The following FGFR2 variants were observed in gnomAD, a reference collection of about 807,000 sequenced individuals.
FGFR2 encodes fibroblast growth factor receptor 2.
FGFR2 carries 19 observed loss-of-function variants against 95.9 expected under a neutral mutation model. That is an observed-to-expected ratio of 0.20 (90% CI 0.14 to 0.29). FGFR2 has a LOEUF of 0.29. FGFR2 is among the 10% of genes least tolerant of loss of function. The probability of loss-of-function intolerance (pLI) is 1.00; values close to 1 mark genes in which losing one functional copy is unlikely to be tolerated. For missense variants in FGFR2, 707 were observed against 1,056.9 expected, an observed-to-expected ratio of 0.67 and a Z score of 4.59; for synonymous variants, 392 against 393.3, an observed-to-expected ratio of 1.00 and a Z score of 0.04.
chr10:121,538,794 A>T, intron 5 of FGFR2, 79 bp from the exon 6 acceptor site: 1 of 1,595,030 alleles, frequency 6.3e-7, no homozygotes, highest in South Asian at 1.1e-5. Flanking sequence ...TGATTTAAAA[A>T]GAAGCTGAAG....
intron 6 of FGFR2, among the ~76,000 whole-genome samples, chr10:121,524,578 C>T (rs190447299): frequency 2.6e-5 from 4 of 152,346 alleles, no homozygotes; most frequent in African/African-American, 4.8e-5. Flanking sequence ...TGCGCTCCTC[C>T]TCTCGAACCC....
chr10:121,590,143 A>G (rs941501103), intron 2 of FGFR2, among the ~76,000 whole-genome samples: 7 of 152,282 alleles, frequency 4.6e-5, no homozygotes, highest in Middle Eastern at 3.4e-3. Flanking sequence ...AAAAATTGCT[A>G]CACAAACTAC....
At chr10:121,565,126 A>C (rs1242483158) in intron 3 of FGFR2, among the ~76,000 whole-genome samples, 1 of 146,786 alleles carries the variant, frequency 6.8e-6, no homozygotes, top group Non-Finnish European at 1.5e-5. Flanking sequence ...AGAAATCTTG[A>C]GTATCCAAAT....
chr10:121,563,608 C>A (rs1418328352), intron 4 of FGFR2, among the ~76,000 whole-genome samples: 1 of 152,172 alleles, frequency 6.6e-6, no homozygotes, highest in Non-Finnish European at 1.5e-5. Flanking sequence ...TTGCAAGCAA[C>A]CACTCTTCTG....
At chr10:121,520,401 G>T (rs778415368) in intron 6 of FGFR2, among the ~76,000 whole-genome samples, 3 of 152,146 alleles carry the variant, frequency 2.0e-5, no homozygotes, top group Non-Finnish European at 4.4e-5. Flanking sequence ...ATTGAGAAAA[G>T]AACTTATTAC....
At chr10:121,511,980 GAA>G (rs1405801365) in intron 9 of FGFR2, among the ~76,000 whole-genome samples, 7 of 152,196 alleles carry the variant, frequency 4.6e-5, no homozygotes, top group Non-Finnish European at 8.8e-5. Context: ...TTCTTGTCCT[GAA>G]AAGAGAACAA....
chr10:121,588,460 A>T (rs1378372668), intron 2 of FGFR2, among the ~76,000 whole-genome samples: 1 of 152,146 alleles, frequency 6.6e-6, no homozygotes, highest in African/African-American at 2.4e-5. Flanking sequence ...TACACTAAGA[A>T]GGCAAGTCAG....
At chr10:121,578,566 C>T (rs1294719875) in intron 2 of FGFR2, among the ~76,000 whole-genome samples, 1 of 152,232 alleles carries the variant, frequency 6.6e-6, no homozygotes, top group South Asian at 2.1e-4. Flanking sequence ...CTTTACTGTG[C>T]GTAAAACCAC....
intron 4 of FGFR2, among the ~76,000 whole-genome samples, chr10:121,556,218 G>T (rs149979468): frequency 6.6e-6 from 1 of 152,120 alleles, no homozygotes; most frequent in African/African-American, 2.4e-5. Flanking sequence ...CCGCCAGTTC[G>T]AACATACTTT....
chr10:121,593,070 C>A (rs937692411), intron 2 of FGFR2, among the ~76,000 whole-genome samples: 2 of 152,150 alleles, frequency 1.3e-5, no homozygotes, highest in African/African-American at 4.8e-5. Context: ...CCGGCGCATG[C>A]CCTGTGATAC....
chr10:121,493,974 T>C (rs1339299003), intron 13 of FGFR2, among the ~76,000 whole-genome samples: 1 of 151,714 alleles, frequency 6.6e-6, no homozygotes, highest in Non-Finnish European at 1.5e-5. Context: ...CCATTCATTA[T>C]CCCAAGAGCA....
chr10:121,518,785 G>C lies in FGFR2; in HGVS notation c.939+1194C>G. The C allele has an allele frequency of 6.2e-7, 1 of 1,614,152 alleles. No homozygotes were observed. The highest frequency in any genetic ancestry group is 8.5e-7 in the Non-Finnish European group (1 of 1,180,014). On this transcript the variant is annotated intron_variant, in intron 7 of 17. Transcript: ENST00000358487. The surrounding 1 kb of genome is among the most constrained non-coding windows in gnomAD (Gnocchi z 4.0). ...CCCCAGCATCCGCCTCGGTCACATT[G>C]AACAGAGCCAGCACTTCTGCATTGG...
At chr10:121,572,158 GAAAAA>G (rs71022844) in intron 2 of FGFR2, among the ~76,000 whole-genome samples, 6 of 105,848 alleles carry the variant, frequency 5.7e-5, no homozygotes, top group East Asian at 3.0e-4. Context: ...CACAAAAAAT[GAAAAA>G]AAAAAAAAAA....
intron 8 of FGFR2, 47 bp from the exon 9 acceptor site, chr10:121,515,366 G>A (rs2134233561): frequency 5.7e-6 from 9 of 1,565,234 alleles, no homozygotes; most frequent in Non-Finnish European, 5.3e-6. Context: ...AGGCCATAGA[G>A]TTAGCACACC....
rs1311210195 is a variant in FGFR2, at chr10:121,518,000, T to A, written c.940-537A>T. 1 of 472,414 alleles carries A rather than the reference T, an allele frequency of 2.1e-6. No homozygotes were observed. Among genetic ancestry groups the A allele is most frequent in the Middle Eastern group, 3.4e-4 (1 of 2,938 alleles). The allele number at this position is 472,414 out of a possible 1,614,324, so 29.3% of individuals were successfully genotyped here. A position where few individuals can be genotyped will look rare whatever the true frequency, so the allele number is the denominator to read the frequency against. ...GGTTATTTTTACTTCTGCGATACCA[T>A]CTTGCCCTACATAGCATTGACAAAA... On this transcript the variant is annotated intron_variant, in intron 7 of 17. Transcript: ENST00000358487. The surrounding 1 kb of genome is among the most constrained non-coding windows in gnomAD (Gnocchi z 4.7).
chr10:121,579,146 C>T (rs1393074708), intron 2 of FGFR2, among the ~76,000 whole-genome samples: 1 of 152,230 alleles, frequency 6.6e-6, no homozygotes, highest in Non-Finnish European at 1.5e-5. Flanking sequence ...AAGAGAAAAA[C>T]ATCTCCAGTG....
At chr10:121,486,883 G>A (rs1217349961) in intron 15 of FGFR2, among the ~76,000 whole-genome samples, 1 of 152,156 alleles carries the variant, frequency 6.6e-6, no homozygotes, top group African/African-American at 2.4e-5. Flanking sequence ...TTTTTGTTGA[G>A]GGATAAACAT....
chr10:121,538,965 G>T (rs912371860), intron 5 of FGFR2, among the ~76,000 whole-genome samples: 2 of 152,216 alleles, frequency 1.3e-5, no homozygotes, highest in Admixed American at 1.3e-4. Flanking sequence ...TACAGCGTGG[G>T]TCTGTTACCA....
At position 121,496,647 on chromosome 10, in the gene FGFR2, C is replaced by G. The variant is rs1287829901; in HGVS notation, c.1748G>C (p.Gly583Ala). 1.9e-6 allele frequency: 3 copies of G among 1,612,462 alleles called. No homozygotes were observed. The highest frequency in any genetic ancestry group is 2.5e-6 in the Non-Finnish European group (3 of 1,179,930). Residue 583 changes from glycine (G) to alanine (A), a missense_variant, in exon 13 of 18, where the codon GGG becomes GCG. Gly to Ala is a moderately conservative substitution (Grantham distance 60). This residue lies in a region of FGFR2 where 37 missense variants were observed against 34.1 expected (regional missense o/e 1.09). Coordinates refer to ENST00000358487, the MANE Select transcript of FGFR2 (RefSeq NM_000141.5). ...REYLRARRPPGMEYSYDINRV... is the reference protein window; with the variant it reads ...REYLRARRPPAMEYSYDINRV... ...GTTAATGTCATAGGAGTACTCCATC[C>G]CGGGTGGCCTCCGGGCTCGGAGGTA... is the stretch of plus-strand genomic sequence containing the variant.
Sources: allele counts gnomAD v4.1 joint callset (sites outside exome capture counted in the v4.1 genomes callset), GRCh38; gene constraint gnomAD v4.1.1; regional missense constraint gnomAD v4.1.1; non-coding constraint Gnocchi (gnomAD v3.1); transcripts MANE v1.5; gene names NCBI Gene and HGNC (gene_info 2026-07-23, HGNC 2026-07-21).